MSI2: variants seen among roughly 807,000 people sequenced by gnomAD.
MSI2 encodes the protein musashi RNA binding protein 2.
A neutral mutation model predicts 45.6 loss-of-function variants in MSI2; 17 were observed. That is an observed-to-expected ratio of 0.37 (90% CI 0.26 to 0.56). MSI2 has a LOEUF of 0.56. MSI2 is among the 20% of genes least tolerant of loss of function. MSI2 has a pLI of 0.77. For missense variants in MSI2, 293 were observed against 444.2 expected (o/e 0.66, Z 3.06); for synonymous variants, 156 against 158.2 (o/e 0.99, Z 0.11).
At chr17:57,413,888 C>T (rs1542125) in intron 6 of MSI2, among the ~76,000 whole-genome samples, 22,908 of 151,776 alleles carry the variant, frequency 0.15, 2,455 homozygotes, top group African/African-American at 0.28. Flanking sequence ...CAAGGCATTG[C>T]ATCTACAGCC....
chr17:57,686,529 C>T (rs546440507), downstream of MSI2, among the ~76,000 whole-genome samples: 3 of 152,092 alleles, frequency 2.0e-5, no homozygotes, highest in African/African-American at 7.2e-5. Flanking sequence ...TACAAACACA[C>T]TTAAAGTGAT....
At chr17:57,297,372 T>G (rs900700013) in intron 5 of MSI2, among the ~76,000 whole-genome samples, 3 of 152,164 alleles carry the variant, frequency 2.0e-5, no homozygotes, top group African/African-American at 7.2e-5. Context: ...TACACTATAC[T>G]GTAGTCAATA....
intron 6 of MSI2, among the ~76,000 whole-genome samples, chr17:57,452,275 C>G (rs1321592769): frequency 6.6e-6 from 1 of 152,250 alleles, no homozygotes; most frequent in Non-Finnish European, 1.5e-5. Flanking sequence ...TCTTCTCCAC[C>G]AGGAGAGCAG....
chr17:57,636,608 C>T (rs1377840709), intron 10 of MSI2, among the ~76,000 whole-genome samples: 1 of 152,240 alleles, frequency 6.6e-6, no homozygotes, highest in African/African-American at 2.4e-5. Context: ...AGTTCCCCTC[C>T]CCAGGCTCTG....
At chr17:57,468,063 C>T (rs1028833766) in intron 6 of MSI2, among the ~76,000 whole-genome samples, 3 of 151,970 alleles carry the variant, frequency 2.0e-5, no homozygotes, top group East Asian at 1.9e-4. Flanking sequence ...GATAAGAGCT[C>T]AGGCTCTAGA....
chr17:57,291,312 G>A (rs1910399575), intron 5 of MSI2, among the ~76,000 whole-genome samples: 1 of 152,124 alleles, frequency 6.6e-6, no homozygotes, highest in African/African-American at 2.4e-5. Flanking sequence ...TCAGCATCCC[G>A]GAGTGTTCTG....
chr17:57,412,811 A>G (rs1285080735), intron 6 of MSI2, among the ~76,000 whole-genome samples: 1 of 152,244 alleles, frequency 6.6e-6, no homozygotes, highest in Non-Finnish European at 1.5e-5. Context: ...TAATAAGAGC[A>G]TAGGTTGTTT....
intron 6 of MSI2, among the ~76,000 whole-genome samples, chr17:57,495,719 C>CT (rs2085966597): frequency 6.6e-6 from 1 of 152,102 alleles, no homozygotes; most frequent in South Asian, 2.1e-4. Context: ...CAAACCTTCT[C>CT]TGTCCTCAAA....
intron 7 of MSI2, among the ~76,000 whole-genome samples, chr17:57,578,571 G>C (rs72833096): frequency 0.14 from 20,947 of 151,884 alleles, 1,527 homozygotes; most frequent in African/African-American, 0.17. Context: ...GAGGGGAAGG[G>C]GACGGGAGAA....
At chr17:57,409,779 C>T (rs898465500) in intron 6 of MSI2, among the ~76,000 whole-genome samples, 13 of 152,100 alleles carry the variant, frequency 8.5e-5, no homozygotes, top group South Asian at 2.1e-4. Context: ...GGGGCCAAGG[C>T]GGGCGAATCA....
intron 10 of MSI2, among the ~76,000 whole-genome samples, chr17:57,639,201 A>G (rs1483697246): frequency 2.0e-5 from 3 of 152,218 alleles, no homozygotes; most frequent in Non-Finnish European, 2.9e-5. Context: ...TGGCAGGGAC[A>G]TAAACATTCA....
chr17:57,554,174 GA>G (rs990510439), intron 7 of MSI2, among the ~76,000 whole-genome samples: 2 of 145,874 alleles, frequency 1.4e-5, no homozygotes, highest in African/African-American at 5.1e-5. Context: ...GGCAACAGGC[GA>G]AACAAGAACG....
At chr17:57,667,983 G>A (rs1456638774) in intron 11 of MSI2, among the ~76,000 whole-genome samples, 1 of 152,198 alleles carries the variant, frequency 6.6e-6, no homozygotes, top group Admixed American at 6.5e-5. Context: ...TGGATCACCT[G>A]AGGTCAGGAG....
chr17:57,500,398 T>C (rs924968461), intron 6 of MSI2, among the ~76,000 whole-genome samples: 1 of 112,966 alleles, frequency 8.9e-6, no homozygotes, highest in African/African-American at 3.2e-5. Flanking sequence ...GAGTTGCGTC[T>C]TTTTTTTTTT....
At chr17:57,427,595 C>T (rs961359756) in intron 6 of MSI2, among the ~76,000 whole-genome samples, 2 of 152,032 alleles carry the variant, frequency 1.3e-5, no homozygotes, top group Non-Finnish European at 2.9e-5. Flanking sequence ...AATGAGGCCA[C>T]GTACGTAAAG....
intron 5 of MSI2, among the ~76,000 whole-genome samples, chr17:57,353,623 G>C (rs1916204012): frequency 6.6e-6 from 1 of 152,228 alleles, no homozygotes; most frequent in African/African-American, 2.4e-5. Context: ...AGCATTTGCT[G>C]AGTCAAAGTA....
chr17:57,688,325 G>C (rs1913921499), downstream of MSI2, among the ~76,000 whole-genome samples: 1 of 152,028 alleles, frequency 6.6e-6, no homozygotes, highest in African/African-American at 2.4e-5. Context: ...TGGCAAGATG[G>C]CTGGATGTAA....
intron 6 of MSI2, among the ~76,000 whole-genome samples, chr17:57,480,960 C>T (rs1436843892): frequency 6.6e-6 from 1 of 152,120 alleles, no homozygotes; most frequent in Non-Finnish European, 1.5e-5. Context: ...TGCCAGTGAC[C>T]ATTAGGATGT....
intron 8 of MSI2, among the ~76,000 whole-genome samples, chr17:57,613,793 A>G (rs551134915): frequency 6.6e-6 from 1 of 152,166 alleles, no homozygotes; most frequent in Non-Finnish European, 1.5e-5. Flanking sequence ...CTTTTAATCT[A>G]TAGAACTCTG....
Sources: allele counts gnomAD v4.1 joint callset (sites outside exome capture counted in the v4.1 genomes callset), GRCh38; gene constraint gnomAD v4.1.1; transcripts MANE v1.5; gene names NCBI Gene and HGNC (gene_info 2026-07-23, HGNC 2026-07-21).